Variants in COPA observed in about 807,000 individuals in gnomAD.
COPA encodes coatomer subunit alpha.
In COPA, 10 loss-of-function variants were observed where a neutral mutation model predicts 158.7. The observed-to-expected ratio is 0.06, with a 90% CI of 0.04 to 0.11. The LOEUF (loss-of-function observed/expected upper bound fraction) is 0.11. Ranked by LOEUF, COPA falls within the 10% of genes least tolerant of loss-of-function variation. The pLI is 1.00. For missense variants in COPA, 1,065 were observed against 1,536.7 expected, an observed-to-expected ratio of 0.69 and a Z score of 5.13; for synonymous variants, 462 against 542.8, an observed-to-expected ratio of 0.85 and a Z score of 2.07.
intron 6 of COPA, among the ~76,000 whole-genome samples, chr1:160,328,480 A>G (rs1366814522): frequency 6.6e-6 from 1 of 152,208 alleles, no homozygotes; most frequent in Non-Finnish European, 1.5e-5. Context: ...CGACAGATGG[A>G]AAATTTCTAC....
intron 11 of COPA, among the ~76,000 whole-genome samples, chr1:160,311,361 C>G (rs1463970173): frequency 6.6e-6 from 1 of 151,858 alleles, no homozygotes; most frequent in South Asian, 2.1e-4. Flanking sequence ...TTGCTTGAAC[C>G]CAGGAGGTGG....
intron 8 of COPA, among the ~76,000 whole-genome samples, chr1:160,316,476 C>T (rs1394541263): frequency 6.6e-6 from 1 of 152,028 alleles, no homozygotes; most frequent in African/African-American, 2.4e-5. Flanking sequence ...AATTGGCTGG[C>T]GTGGTGGCTC....
rs1658193231 is a variant in COPA, at chr1:160,290,561, T to C, written c.3546A>G (p.Val1182=). ...SYRPIYRGKP[V]EKCPLSGACY... ...AGGCCCCACTGAGTGGACACTTTTC[T>C]ACTGGCTTTCCACGGTAGATGGGCC... is the stretch of plus-strand genomic sequence containing the variant. Residue 1182 remains valine (V), a synonymous_variant, in exon 32 of 33, where the codon GTA becomes GTG. Transcript: ENST00000241704. 1 of 1,614,242 alleles carries C rather than the reference T, an allele frequency of 6.2e-7. No individual in the cohort carries two copies. Among genetic ancestry groups the C allele is most frequent in the Non-Finnish European group, 8.5e-7 (1 of 1,180,034 alleles).
At chr1:160,293,609 C>T (rs1405913844) in intron 25 of COPA, 146 bp from the exon 26 acceptor site, 5 of 645,168 alleles carry the variant, frequency 7.7e-6, no homozygotes, top group Admixed American at 3.3e-5. Flanking sequence ...ATCCTCCAAC[C>T]TCAGCTTCCC....
intron 1 of COPA, among the ~76,000 whole-genome samples, chr1:160,342,269 A>C (rs887658789): frequency 2.0e-5 from 3 of 152,162 alleles, no homozygotes; most frequent in Non-Finnish European, 4.4e-5. Context: ...GACTTCAAAG[A>C]CCAAGTTCCT....
chr1:160,315,575 C>A (rs927305164), intron 8 of COPA, among the ~76,000 whole-genome samples: 1 of 152,194 alleles, frequency 6.6e-6, no homozygotes, highest in African/African-American at 2.4e-5. Context: ...TGAACCCGGA[C>A]TTAAGGTGTC....
Position 160,339,699 on chromosome 1 carries a change from T to C in COPA, c.228+210A>G, listed in dbSNP as rs554739578. The C allele has an allele frequency of 9.0e-4, 444 of 495,252 alleles. 3 individuals carry two copies. The highest frequency in any genetic ancestry group is 1.6e-3 in the Admixed American group (46 of 28,384). The allele number at this position is 495,252 out of a possible 1,614,324, so 30.7% of individuals were successfully genotyped here. A position where few individuals can be genotyped will look rare whatever the true frequency, so the allele number is the denominator to read the frequency against. Reference sequence around the variant, plus strand: ...GCTCCTTGAAAACAGAAGCCATTTCTTATTTATTTTTGAATTCCCTAAAAA... The same window carrying C: ...GCTCCTTGAAAACAGAAGCCATTTCCTATTTATTTTTGAATTCCCTAAAAA... On this transcript the variant is annotated intron_variant, in intron 3 of 32. Transcript: ENST00000241704.
intron 8 of COPA, among the ~76,000 whole-genome samples, chr1:160,319,068 A>G (rs1659250341): frequency 6.6e-6 from 1 of 152,124 alleles, no homozygotes; most frequent in Non-Finnish European, 1.5e-5. Context: ...AATGCTCTCA[A>G]TTCTTCAATT....
At chr1:160,302,757 T>C (rs866710675) in intron 17 of COPA, among the ~76,000 whole-genome samples, 4 of 151,248 alleles carry the variant, frequency 2.6e-5, no homozygotes, top group African/African-American at 7.3e-5. Flanking sequence ...GGTTTCACCG[T>C]GTTAGCCAGG....
At chr1:160,321,316 C>A (rs971071018) in intron 8 of COPA, among the ~76,000 whole-genome samples, 1 of 152,068 alleles carries the variant, frequency 6.6e-6, no homozygotes, top group Non-Finnish European at 1.5e-5. Context: ...CACTTTTATT[C>A]GACAAAACAC....
Position 160,291,399 on chromosome 1 carries a change from T to G in COPA, c.3356A>C (p.Lys1119Thr). ...GCGCCGAGCAAAGGTGGCAGCTGTC[T>G]TGAAGTTCTTGAGCTTGAAGAACAG... ...LNLFFKLKNF[K>T]TAATFARRLL... The change falls in exon 31 of 33, where the codon AAG becomes ACG. Residue 1119 changes from lysine to threonine, a missense_variant. Around this residue, in one of 2 missense-constraint regions of COPA, gnomAD observed 980 missense variants for 1,357.8 expected, o/e 0.72. Coordinates refer to ENST00000241704, the MANE Select transcript of COPA (RefSeq NM_004371.4). The G allele has an allele frequency of 6.2e-7, 1 of 1,614,076 alleles. No individual in the cohort carries two copies. Among genetic ancestry groups the G allele is most frequent in the Non-Finnish European group, 8.5e-7 (1 of 1,180,000 alleles).
Position 160,305,796 on chromosome 1 carries a change from A to G in COPA, c.1443-23T>C, listed in dbSNP as rs754692793. On this transcript the variant is annotated intron_variant, in intron 15 of 32. Transcript: ENST00000241704. ...GTCCTGAGATAGATAGAGATGTGCA[A>G]ACATGAATGGATCTATTTCCCTTGT... 5.1e-6 allele frequency: 8 copies of G among 1,580,368 alleles called. No individual in the cohort carries two copies. The East Asian group carries it at 1.8e-4, about 35-fold the overall frequency.
At chr1:160,325,455 T>C in intron 7 of COPA, 88 bp downstream of exon 7, 1 of 1,109,086 alleles carries the variant, frequency 9.0e-7, no homozygotes. Context: ...CTGTAAATAT[T>C]TGTTGAAGGA....
At chr1:160,314,627 C>G (rs1461358993) in intron 8 of COPA, among the ~76,000 whole-genome samples, 3 of 152,158 alleles carry the variant, frequency 2.0e-5, no homozygotes, top group Admixed American at 1.3e-4. Flanking sequence ...AAGACCCTGT[C>G]TCAAAAAAAC....
chr1:160,337,264 T>A (rs1647819447), intron 3 of COPA, among the ~76,000 whole-genome samples: 1 of 152,250 alleles, frequency 6.6e-6, no homozygotes, highest in South Asian at 2.1e-4. Flanking sequence ...GACCATTTGC[T>A]GGGCTCCTTG....
chr1:160,343,084 C>G (rs369700793), intron 1 of COPA, 47 bp downstream of exon 1: 2 of 1,612,608 alleles, frequency 1.2e-6, no homozygotes, highest in Non-Finnish European at 1.7e-6. Context: ...GTGTCAGCGC[C>G]GCTCCTGACA....
intron 13 of COPA, 108 bp from the exon 14 acceptor site, chr1:160,307,353 C>A (rs1658824424): frequency 9.9e-7 from 1 of 1,005,186 alleles, no homozygotes; most frequent in East Asian, 2.4e-5. Flanking sequence ...CTTGGCTTTG[C>A]CAGTTGAGCT....
chr1:160,311,842 G>C (rs1461557565), intron 11 of COPA, 26 bp downstream of exon 11: 1 of 1,603,600 alleles, frequency 6.2e-7, no homozygotes, highest in Non-Finnish European at 8.5e-7. Context: ...GAGAGGGTTT[G>C]GAGGAAAGAA....
At chr1:160,326,854 A>G (rs1298566221) in intron 6 of COPA, among the ~76,000 whole-genome samples, 9 of 152,350 alleles carry the variant, frequency 5.9e-5, no homozygotes, top group African/African-American at 1.9e-4. Context: ...TTATCCTGTA[A>G]CTTAAAAACG....
Sources: allele counts gnomAD v4.1 joint callset (sites outside exome capture counted in the v4.1 genomes callset), GRCh38; gene constraint gnomAD v4.1.1; regional missense constraint gnomAD v4.1.1; transcripts MANE v1.5; gene names NCBI Gene and HGNC (gene_info 2026-07-23, HGNC 2026-07-21).